PACS1: variants seen among roughly 807,000 people sequenced by gnomAD.
The protein encoded by PACS1 is PACS-1.
PACS1 carries 24 observed loss-of-function variants against 115.0 expected under a neutral mutation model. The ratio of observed to expected loss-of-function variants is 0.21; its 90% CI spans 0.15 to 0.29. PACS1 has a LOEUF of 0.29. Among genes scored for constraint, PACS1 ranks in the 10% least tolerant of loss-of-function variants. The probability of loss-of-function intolerance (pLI) is 1.00; values close to 1 mark genes in which losing one functional copy is unlikely to be tolerated. For synonymous variants in PACS1, 453 were observed against 504.5 expected (o/e 0.90, Z 1.37); for missense variants, 838 against 1,251.2 (o/e 0.67, Z 4.98).
chr11:66,077,707 T>TG lies in PACS1; in HGVS notation c.356+6865_356+6866insG, dbSNP rs1185199678. On this transcript the variant is annotated intron_variant, in intron 1 of 23. Transcript: ENST00000320580. The stretch of plus-strand genomic sequence containing the variant: ...ATCCTTTTAAATTGTAAGTTTGTTT[T>TG]TTTTTTTTTTTTGAGACGGAGTTTT... Among the ~76,000 whole-genome samples the TG allele has an allele frequency of 4.0e-3, 605 of 150,430 alleles. 5 individuals are homozygous for TG. The highest frequency in any genetic ancestry group is 0.014 in the African/African-American group (582 of 41,114).
At chr11:66,191,619 T>C (rs1357081132) in intron 1 of PACS1, among the ~76,000 whole-genome samples, 2 of 152,234 alleles carry the variant, frequency 1.3e-5, no homozygotes, top group African/African-American at 2.4e-5. Flanking sequence ...TAAAATGATA[T>C]AGATGAAGAG....
intron 1 of PACS1, among the ~76,000 whole-genome samples, chr11:66,096,122 C>T (rs1340835675): frequency 3.3e-5 from 5 of 151,190 alleles, no homozygotes; most frequent in Admixed American, 2.6e-4. Flanking sequence ...TTAGTAGAGA[C>T]GGGGTTTTGC....
intron 21 of PACS1, 122 bp from the exon 22 acceptor site, chr11:66,241,305 A>G (rs1431796182): frequency 9.0e-6 from 6 of 664,518 alleles, no homozygotes; most frequent in Non-Finnish European, 1.5e-5. Flanking sequence ...GCTGGAGGGA[A>G]CAGAGCTGCA....
At chr11:66,140,200 G>A (rs1354263217) in intron 1 of PACS1, among the ~76,000 whole-genome samples, 1 of 152,154 alleles carries the variant, frequency 6.6e-6, no homozygotes, top group African/African-American at 2.4e-5. Flanking sequence ...GGCCTGGGGT[G>A]GGACCTATAA....
At chr11:66,223,843 T>C (rs1855412283) in intron 10 of PACS1, among the ~76,000 whole-genome samples, 1 of 152,166 alleles carries the variant, frequency 6.6e-6, no homozygotes, top group Non-Finnish European at 1.5e-5. Context: ...ACTTAGACAC[T>C]CTGAGCCTCG....
At chr11:66,230,304 C>T (rs530217584) in intron 11 of PACS1, 181 of 526,256 alleles carry the variant, frequency 3.4e-4, no homozygotes, top group Non-Finnish European at 5.7e-4. Context: ...GCCAGCAGGT[C>T]GTTTGTAACT....
At chr11:66,165,163 C>T (rs1047873603) in intron 1 of PACS1, among the ~76,000 whole-genome samples, 6 of 152,256 alleles carry the variant, frequency 3.9e-5, no homozygotes, top group African/African-American at 1.4e-4. Flanking sequence ...ATTCTTCATT[C>T]TGCCAGATCC....
At chr11:66,087,300 G>A (rs776636985) in intron 1 of PACS1, among the ~76,000 whole-genome samples, 7 of 151,812 alleles carry the variant, frequency 4.6e-5, no homozygotes, top group Non-Finnish European at 1.0e-4. Context: ...GAGTGCAATG[G>A]CACGATCTCT....
At chr11:66,116,144 A>G (rs1356215251) in intron 1 of PACS1, among the ~76,000 whole-genome samples, 2 of 152,314 alleles carry the variant, frequency 1.3e-5, no homozygotes, top group Admixed American at 6.5e-5. Flanking sequence ...CCTATTGCTA[A>G]TGTGCAATTA....
At chr11:66,114,608 TA>T in intron 1 of PACS1, among the ~76,000 whole-genome samples, 1 of 152,252 alleles carries the variant, frequency 6.6e-6, no homozygotes, top group Middle Eastern at 3.4e-3. Flanking sequence ...AAAATGCAAA[TA>T]ATTTGTGTTT....
intron 1 of PACS1, among the ~76,000 whole-genome samples, chr11:66,120,602 C>T (rs980209446): frequency 2.6e-5 from 4 of 152,274 alleles, no homozygotes; most frequent in East Asian, 1.9e-4. Flanking sequence ...TAAGGGCATA[C>T]GCTTTGGAGC....
At chr11:66,237,437 G>A (rs2134746197) in intron 19 of PACS1, among the ~76,000 whole-genome samples, 1 of 152,332 alleles carries the variant, frequency 6.6e-6, no homozygotes, top group African/African-American at 2.4e-5. Context: ...TGTGGATGAG[G>A]GGGCCTAGCT....
chr11:66,196,539 A>C (rs1376835206), intron 2 of PACS1, among the ~76,000 whole-genome samples: 4 of 152,236 alleles, frequency 2.6e-5, no homozygotes, highest in Non-Finnish European at 4.4e-5. Flanking sequence ...TGTTTCCTTA[A>C]AATTGAACAG....
intron 1 of PACS1, among the ~76,000 whole-genome samples, chr11:66,191,170 C>T (rs1854511583): frequency 6.6e-6 from 1 of 152,182 alleles, no homozygotes; most frequent in Non-Finnish European, 1.5e-5. Flanking sequence ...GCTGCATATT[C>T]CTTGGCTCCT....
rs58145434 is a variant in PACS1, at chr11:66,160,663, ATTTTTTTTTTTT to A, written c.357-32811_357-32800del. Among the ~76,000 whole-genome samples the A allele has an allele frequency of 3.4e-5, 4 of 116,194 alleles. No homozygotes were observed. The East Asian group carries it at 1.0e-3, about 29-fold the overall frequency. 76.2% of individuals were successfully genotyped at this position (116,194 alleles called of 152,430 possible). On this transcript the variant is annotated intron_variant, in intron 1 of 23. Transcript: ENST00000320580. ...AGGCATGTGCCACCATGCCTGGCTG[ATTTTTTTTTTTT>A]TTTTTTTTTTTGGCAGGGGAGTGAG...
At chr11:66,241,762 C>A in intron 22 of PACS1, 109 bp downstream of exon 22, 1 of 890,570 alleles carries the variant, frequency 1.1e-6, no homozygotes, top group Non-Finnish European at 1.8e-6. Context: ...GAAGAAGCAT[C>A]CCATGGTCTG....
chr11:66,241,752 G>GCTTCTTCATCCC, intron 22 of PACS1, 99 bp downstream of exon 22: 1 of 981,174 alleles, frequency 1.0e-6, no homozygotes, highest in Non-Finnish European at 1.5e-6. Flanking sequence ...TATTTGGGAT[G>GCTTCTTCATCCC]AAGAAGCATC....
chr11:66,209,497 A>G (rs1855021977), intron 2 of PACS1, among the ~76,000 whole-genome samples: 1 of 152,248 alleles, frequency 6.6e-6, no homozygotes, highest in South Asian at 2.1e-4. Context: ...GACGTTAACA[A>G]ATCATTTTGC....
chr11:66,211,796 G>A (rs1284535163), intron 4 of PACS1, among the ~76,000 whole-genome samples: 1 of 152,118 alleles, frequency 6.6e-6, no homozygotes, highest in African/African-American at 2.4e-5. Flanking sequence ...GTCCCTATTC[G>A]GATTGTGCTG....
Sources: allele counts gnomAD v4.1 joint callset (sites outside exome capture counted in the v4.1 genomes callset), GRCh38; gene constraint gnomAD v4.1.1; transcripts MANE v1.5; gene names NCBI Gene and HGNC (gene_info 2026-07-23, HGNC 2026-07-21).